MYO16: variants seen among roughly 807,000 people sequenced by gnomAD.
The protein encoded by MYO16 is unconventional myosin-XVI.
MYO16 carries 94 observed loss-of-function variants against 205.3 expected under a neutral mutation model. That is an observed-to-expected ratio of 0.46 (90% CI 0.39 to 0.54). The LOEUF (loss-of-function observed/expected upper bound fraction) is 0.54. Among genes scored for constraint, MYO16 ranks in the 20% least tolerant of loss-of-function variants. The pLI is 0.00. For missense variants in MYO16, 2,315 were observed against 2,387.5 expected (o/e 0.97, Z 0.63); for synonymous variants, 988 against 954.0 (o/e 1.04, Z -0.66).
intron 34 of MYO16, among the ~76,000 whole-genome samples, chr13:109,191,648 T>C (rs1879921955): frequency 6.6e-6 from 1 of 152,106 alleles, no homozygotes; most frequent in Non-Finnish European, 1.5e-5. Flanking sequence ...CATGCCTGCA[T>C]TGCAAAAAGG....
chr13:108,947,028 T>C (rs1882966273), intron 16 of MYO16, among the ~76,000 whole-genome samples: 1 of 152,210 alleles, frequency 6.6e-6, no homozygotes, highest in Non-Finnish European at 1.5e-5. Context: ...ACACCATACT[T>C]TATCAGCATT....
intron 31 of MYO16, among the ~76,000 whole-genome samples, chr13:109,136,241 G>A (rs548422395): frequency 2.0e-5 from 3 of 152,034 alleles, no homozygotes; most frequent in East Asian, 3.9e-4. Context: ...CCACAAGCAC[G>A]TGCCACCATA....
chr13:109,022,399 A>C (rs1370787953), intron 23 of MYO16, among the ~76,000 whole-genome samples: 11 of 5,866 alleles, frequency 1.9e-3, no homozygotes, highest in African/African-American at 2.8e-3. Context: ...ACATATATGT[A>C]TATATGTATA....
At chr13:109,137,777 C>T (rs1876849697) in intron 31 of MYO16, among the ~76,000 whole-genome samples, 1 of 152,202 alleles carries the variant, frequency 6.6e-6, no homozygotes, top group African/African-American at 2.4e-5. Flanking sequence ...GAGATACATA[C>T]TCATATCACC....
In MYO16 at chr13:108,666,015, A is replaced by G; in HGVS notation, c.158A>G (p.Tyr53Cys). The change falls in exon 2 of 35, where the codon TAC becomes TGC. Residue 53 changes from tyrosine (Y) to cysteine (C), a missense_variant. Tyr to Cys is a radical substitution (Grantham distance 194, BLOSUM62 -2). This residue lies in a region of MYO16 where 1,213 missense variants were observed against 1,274.4 expected (regional missense o/e 0.95). Coordinates refer to ENST00000457511, the MANE Select transcript of MYO16 (RefSeq NM_001198950.3). The stretch of plus-strand genomic sequence containing the variant: ...ATGCGCTGTGAGCAAATCAAAGCCT[A>G]CTATGAGCGCGAGAAGGCTTTTCAG... ...KRMRCEQIKA[Y>C]YEREKAFQKQ... 6.2e-7 allele frequency: 1 copy of G among 1,614,162 alleles called. No individual in the cohort carries two copies. Among genetic ancestry groups the G allele is most frequent in the Non-Finnish European group, 8.5e-7 (1 of 1,180,002 alleles).
chr13:108,504,250 T>C, the MYO16 span, among the ~76,000 whole-genome samples: 2 of 151,888 alleles, frequency 1.3e-5, no homozygotes, highest in African/African-American at 2.4e-5. Context: ...GCCTCACGAG[T>C]AGCTGGGACT....
chr13:108,623,660 C>G (rs999472358), intron 1 of MYO16, among the ~76,000 whole-genome samples: 1 of 152,120 alleles, frequency 6.6e-6, no homozygotes, highest in African/African-American at 2.4e-5. Context: ...AAATATTCCT[C>G]AAGACATTAT....
the MYO16 span, among the ~76,000 whole-genome samples, chr13:108,526,709 A>T: frequency 6.6e-6 from 1 of 152,196 alleles, no homozygotes; most frequent in Non-Finnish European, 1.5e-5. Flanking sequence ...TTATTCCTCA[A>T]CCTACCAAAT....
chr13:108,598,044 C>T (rs1285742216), intron 1 of MYO16, among the ~76,000 whole-genome samples: 6 of 152,122 alleles, frequency 3.9e-5, no homozygotes, highest in Non-Finnish European at 7.4e-5. Flanking sequence ...CTGAAAATAC[C>T]ATTAGTACTG....
In MYO16 at chr13:108,928,416, T is replaced by C. The variant is rs764723098; in HGVS notation, c.1925+18266T>C. Among the ~76,000 whole-genome samples, 81 of 152,226 alleles carry C rather than the reference T, an allele frequency of 5.3e-4. 1 individual carries two copies. Among genetic ancestry groups the C allele is most frequent in the Non-Finnish European group, 2.2e-4 (15 of 68,040 alleles). ...ATATAGAATATTATATGTTATGGCA[T>C]AGGATGTATAATTACATATAATAAA... is the stretch of plus-strand genomic sequence containing the variant. On this transcript the variant is annotated intron_variant, in intron 16 of 34. Coordinates refer to ENST00000457511, the MANE Select transcript of MYO16 (RefSeq NM_001198950.3).
chr13:109,138,605 C>A (rs1022254320), intron 31 of MYO16, among the ~76,000 whole-genome samples: 2 of 151,798 alleles, frequency 1.3e-5, no homozygotes, highest in Non-Finnish European at 2.9e-5. Context: ...CTTTTTTCAA[C>A]GTCAGAAGTT....
chr13:108,839,637 T>C (rs1302179586), intron 9 of MYO16, among the ~76,000 whole-genome samples: 1 of 152,192 alleles, frequency 6.6e-6, no homozygotes, highest in Non-Finnish European at 1.5e-5. Flanking sequence ...GCTCAAAAGA[T>C]ACTTGATATC....
chr13:108,781,871 AC>A (rs1432140068), intron 4 of MYO16, among the ~76,000 whole-genome samples: 1 of 151,958 alleles, frequency 6.6e-6, no homozygotes, highest in Non-Finnish European at 1.5e-5. Context: ...ATTTTCTCTT[AC>A]CACTGCCATG....
In MYO16 at chr13:109,127,971, T is replaced by C. The variant is rs770897236; in HGVS notation, c.4051+421T>C. Among the ~76,000 whole-genome samples, 1 of 152,058 alleles carries C rather than the reference T, an allele frequency of 6.6e-6. No homozygotes were observed. Among genetic ancestry groups the C allele is most frequent in the South Asian group, 2.1e-4 (1 of 4,830 alleles). On this transcript the variant is annotated intron_variant, in intron 31 of 34. Transcript: ENST00000457511. The surrounding 1 kb of genome is among the most constrained non-coding windows in gnomAD (Gnocchi z 4.2). The stretch of plus-strand genomic sequence containing the variant: ...AAATTATTTACCCATAGGAGAGTCA[T>C]CGTGCAGGAAACTTCTGTTAGGAAA...
At chr13:108,664,330 G>A (rs940713442) in intron 1 of MYO16, among the ~76,000 whole-genome samples, 12 of 152,094 alleles carry the variant, frequency 7.9e-5, no homozygotes, top group Admixed American at 3.3e-4. Flanking sequence ...ATGGTGCTTT[G>A]GTTTGTTTCT....
chr13:109,000,357 A>T (rs1885174872), intron 21 of MYO16, among the ~76,000 whole-genome samples: 1 of 152,238 alleles, frequency 6.6e-6, no homozygotes, highest in Non-Finnish European at 1.5e-5. Flanking sequence ...TAAGAGTTAA[A>T]GTCCCCACAA....
At chr13:108,691,364 G>A (rs1426763261) in intron 2 of MYO16, among the ~76,000 whole-genome samples, 3 of 151,914 alleles carry the variant, frequency 2.0e-5, no homozygotes, top group Non-Finnish European at 4.4e-5. Flanking sequence ...GGTCATCTGA[G>A]TCCTGTAGAT....
intron 1 of MYO16, among the ~76,000 whole-genome samples, chr13:108,652,803 A>G (rs1020235403): frequency 2.0e-5 from 3 of 152,222 alleles, no homozygotes; most frequent in African/African-American, 7.2e-5. Context: ...TCATCTATGG[A>G]CATCTGCTTC....
At chr13:109,048,476 C>T in intron 24 of MYO16, 1 of 537,178 alleles carries the variant, frequency 1.9e-6, no homozygotes, top group Non-Finnish European at 3.4e-6. Flanking sequence ...ATCCTTGTTG[C>T]AGTTACTCAC....
Sources: gnomAD v4.1 joint callset for allele counts (sites outside exome capture counted in the v4.1 genomes callset) on GRCh38, gnomAD v4.1.1 for gene constraint, gnomAD v4.1.1 regional missense constraint, Gnocchi (gnomAD v3.1) non-coding constraint, MANE v1.5 for transcripts, NCBI Gene and HGNC (gene_info 2026-07-23, HGNC 2026-07-21) for gene names.